PDE11A: variants seen among roughly 807,000 people sequenced by gnomAD.
PDE11A encodes the protein phosphodiesterase 11A, also known as dual 3',5'-cyclic-AMP and -GMP phosphodiesterase 11A.
A neutral mutation model predicts 100.5 loss-of-function variants in PDE11A; 100 were observed. The ratio of observed to expected loss-of-function variants is 1.00; its 90% confidence interval spans 0.85 to 1.18. The LOEUF (loss-of-function observed/expected upper bound fraction) is 1.18. Ranked by LOEUF, PDE11A falls within the 50% of genes most tolerant of loss-of-function variation. PDE11A has a pLI of 0.00. For missense variants in PDE11A, 1,141 were observed against 1,152.6 expected (o/e 0.99, Z 0.15); for synonymous variants, 381 against 420.8 (o/e 0.91, Z 1.16).
intron 19 of PDE11A, among the ~76,000 whole-genome samples, chr2:177,644,319 C>T (rs2080188916): frequency 6.6e-6 from 1 of 152,256 alleles, no homozygotes; most frequent in Non-Finnish European, 1.5e-5. Flanking sequence ...CTACCTCTTG[C>T]ATTAGCATAA....
intron 10 of PDE11A, among the ~76,000 whole-genome samples, chr2:177,742,967 G>C (rs984832791): frequency 3.1e-4 from 47 of 152,208 alleles, no homozygotes; most frequent in African/African-American, 9.9e-4. Context: ...CAAGCGAAAT[G>C]ATCAAGCAGC....
At chr2:177,902,150 A>G (rs949971707) in intron 3 of PDE11A, among the ~76,000 whole-genome samples, 1 of 152,220 alleles carries the variant, frequency 6.6e-6, no homozygotes, top group African/African-American at 2.4e-5. Flanking sequence ...CTGAAGATCC[A>G]CAAAAGAAGT....
At chr2:177,853,680 A>ATATATGTG (rs2083766252) in intron 5 of PDE11A, among the ~76,000 whole-genome samples, 4 of 36,530 alleles carry the variant, frequency 1.1e-4, no homozygotes, top group African/African-American at 3.7e-4. Flanking sequence ...ATATATATAT[A>ATATATGTG]TGTGTGTGTG....
In PDE11A at chr2:177,674,451, G is replaced by A. The variant is rs184086910; in HGVS notation, c.2487+1004C>T. On this transcript the variant is annotated intron_variant, in intron 17 of 19. Transcript: ENST00000286063. ...CCTCTTCCAGTTTTCCTTTGCTCAC[G>A]GCTGCATCACTGCAATCTCTGCCTT... Among the ~76,000 whole-genome samples, 12 of 152,248 alleles carry A rather than the reference G, an allele frequency of 7.9e-5. No individual in the cohort carries two copies. The South Asian group carries it at 1.0e-3, about 13-fold the overall frequency.
chr2:178,041,398 C>T (rs780916363), intron 1 of PDE11A, among the ~76,000 whole-genome samples: 67 of 151,908 alleles, frequency 4.4e-4, no homozygotes, highest in African/African-American at 1.1e-3. Flanking sequence ...CATGCACCAC[C>T]ACGCCCGGCT....
intron 16 of PDE11A, among the ~76,000 whole-genome samples, chr2:177,677,298 A>G (rs1452884680): frequency 6.6e-6 from 1 of 152,178 alleles, no homozygotes; most frequent in Non-Finnish European, 1.5e-5. Context: ...ATTATCTCTT[A>G]TTAAAGTTAA....
At position 177,749,685 on chromosome 2, in the gene PDE11A, G is replaced by T. The variant is rs577348622; in HGVS notation, c.1788+19638C>A. 2.6e-5 allele frequency among the ~76,000 whole-genome samples: 4 copies of T among 152,110 alleles called. No homozygotes were observed. The South Asian group carries it at 8.3e-4, about 32-fold the overall frequency. ...GATAACACATGTAATCTGGCATATA[G>T]TAAGTGCTCAACTAATGATAGTAAT... On this transcript the variant is annotated intron_variant, in intron 10 of 19. Transcript: ENST00000286063.
intron 2 of PDE11A, among the ~76,000 whole-genome samples, chr2:177,920,919 G>A (rs1449460512): frequency 3.3e-5 from 5 of 151,838 alleles, no homozygotes; most frequent in Non-Finnish European, 2.9e-5. Context: ...AAAATTAGCC[G>A]GGCGTGGTGG....
In PDE11A at chr2:177,663,937, G is replaced by A. The variant is rs773631747; in HGVS notation, c.2575C>T (p.Arg859Trp). The A allele has an allele frequency of 8.1e-6, 13 of 1,609,124 alleles. No individual in the cohort carries two copies. Among genetic ancestry groups the A allele is most frequent in the South Asian group, 4.4e-5 (4 of 90,954 alleles). The change falls in exon 19 of 20, where the codon CGG becomes TGG. Residue 859 changes from arginine to tryptophan, a missense_variant. Physicochemically the swap from Arg to Trp is moderately radical, Grantham distance 101 (BLOSUM62 -3). Transcript: ENST00000286063. ...LKLTPSAIFD[R>W]NRKDELPRLQ... ...CGAGGCAGTTCATCCTTCCGGTTCC[G>A]ATCAAAAATTGCCTAGAATGGGGGG...
At chr2:177,852,314 C>G (rs1381857730) in intron 5 of PDE11A, among the ~76,000 whole-genome samples, 1 of 151,996 alleles carries the variant, frequency 6.6e-6, no homozygotes, top group Non-Finnish European at 1.5e-5. Context: ...GGGGTAGGAG[C>G]CAGAGAGGCA....
intron 5 of PDE11A, among the ~76,000 whole-genome samples, chr2:177,848,008 G>A (rs1377819088): frequency 6.6e-6 from 1 of 152,128 alleles, no homozygotes; most frequent in Non-Finnish European, 1.5e-5. Flanking sequence ...GTGTGTGTGT[G>A]TGTAGCCAAC....
At chr2:178,095,962 G>T (rs2087483409) in intron 2 of PDE11A, among the ~76,000 whole-genome samples, 1 of 152,098 alleles carries the variant, frequency 6.6e-6, no homozygotes, top group Non-Finnish European at 1.5e-5. Context: ...TGGGGCCCTG[G>T]GCTTGGCCCA....
chr2:178,072,838 A>T, upstream of PDE11A: 1 of 1,179,836 alleles, frequency 8.5e-7, no homozygotes, highest in Non-Finnish European at 1.1e-6. Context: ...TGAGGCACGG[A>T]GCCTGGAGGG....
chr2:178,019,280 A>G lies in PDE11A; in HGVS notation c.913-4820T>C, dbSNP rs192077081. ...AGAGGAGCTTGGAAAGCTGCTGAAT[A>G]TAGAGAAGTTCCGTTTAGGGAAGAA... On this transcript the variant is annotated intron_variant, in intron 1 of 19. Coordinates refer to ENST00000286063, the MANE Select transcript of PDE11A (RefSeq NM_016953.4). Among the ~76,000 whole-genome samples the G allele has an allele frequency of 4.6e-5, 7 of 152,334 alleles. No homozygotes were observed. The East Asian group carries it at 1.4e-3, about 29-fold the overall frequency.
Position 177,875,918 on chromosome 2 carries a change from C to T in PDE11A, c.1308G>A (p.Val436=). ...LLLEDIESPV[V]KFTKSFELMS... is the part of the protein sequence containing the mutation. ...TCAATTCAAAGGATTTGGTAAATTT[C>T]ACCACCTGTCGCATAGAAAGATAAT... The change falls in exon 5 of 20, where the codon GTG becomes GTA. Residue 436 remains valine, a synonymous_variant. Coordinates refer to ENST00000286063, the MANE Select transcript of PDE11A (RefSeq NM_016953.4). 1 of 1,600,532 alleles carries T rather than the reference C, an allele frequency of 6.2e-7. No homozygotes were observed. The highest frequency in any genetic ancestry group is 8.6e-7 in the Non-Finnish European group (1 of 1,167,606).
chr2:178,042,630 A>G (rs1375740515), intron 1 of PDE11A, among the ~76,000 whole-genome samples: 1 of 152,186 alleles, frequency 6.6e-6, no homozygotes, highest in Admixed American at 6.5e-5. Flanking sequence ...GCAAATTGAA[A>G]GATATTAATG....
intron 5 of PDE11A, among the ~76,000 whole-genome samples, chr2:177,848,889 A>G (rs2083649173): frequency 2.0e-5 from 3 of 152,220 alleles, no homozygotes; most frequent in Admixed American, 2.0e-4. Context: ...TGAAAATAAA[A>G]AGACTATCTT....
At chr2:177,917,506 G>T (rs2084971115) in intron 2 of PDE11A, among the ~76,000 whole-genome samples, 1 of 152,176 alleles carries the variant, frequency 6.6e-6, no homozygotes, top group East Asian at 1.9e-4. Flanking sequence ...GTGCTCCATT[G>T]TCTTAACTTT....
chr2:177,672,662 C>T (rs925284608), intron 17 of PDE11A, among the ~76,000 whole-genome samples: 2 of 152,070 alleles, frequency 1.3e-5, no homozygotes, highest in Admixed American at 6.6e-5. Flanking sequence ...ATGTTAGTAG[C>T]ATGTGATGAT....
Sources: gnomAD v4.1 joint callset for allele counts (sites outside exome capture counted in the v4.1 genomes callset) on GRCh38, gnomAD v4.1.1 for gene constraint, MANE v1.5 for transcripts, NCBI Gene and HGNC (gene_info 2026-07-23, HGNC 2026-07-21) for gene names.